The following ADAM32 variants were observed in gnomAD, a reference collection of about 807,000 sequenced individuals.
ADAM32 encodes ADAM metallopeptidase domain 32, also known as disintegrin and metalloproteinase domain-containing protein 32.
In ADAM32, 89 loss-of-function variants were observed where a neutral mutation model predicts 114.9. That is an observed-to-expected ratio of 0.77 (90% CI 0.65 to 0.92). The LOEUF (loss-of-function observed/expected upper bound fraction) is 0.92. ADAM32 is among the 40% of genes least tolerant of loss of function. ADAM32 has a pLI of 0.00. For missense variants in ADAM32, 870 were observed against 932.8 expected (o/e 0.93, Z 0.88); for synonymous variants, 285 against 307.5 (o/e 0.93, Z 0.77).
intron 19 of ADAM32, among the ~76,000 whole-genome samples, chr8:39,263,350 T>C (rs1406072482): frequency 6.6e-6 from 1 of 152,192 alleles, no homozygotes; most frequent in African/African-American, 2.4e-5. Context: ...ACTTAAACTT[T>C]ATTTTTCTAT....
intron 14 of ADAM32, among the ~76,000 whole-genome samples, chr8:39,229,837 C>A (rs959622316): frequency 6.6e-6 from 1 of 152,182 alleles, no homozygotes; most frequent in East Asian, 1.9e-4. Context: ...TACCTTGGAA[C>A]AAATGGACTT....
chr8:39,229,627 G>T (rs1216468850), intron 14 of ADAM32, among the ~76,000 whole-genome samples: 3 of 152,070 alleles, frequency 2.0e-5, no homozygotes, highest in African/African-American at 7.2e-5. Context: ...ATGGTAAAAG[G>T]CCTTGTCCAA....
upstream of ADAM32, chr8:39,107,688 G>A: frequency 1.3e-6 from 2 of 1,542,770 alleles, no homozygotes; most frequent in Non-Finnish European, 1.7e-6. Flanking sequence ...AACGTGCGGG[G>A]AGCGGCCCCC....
chr8:39,160,911 T>C lies in ADAM32; in HGVS notation c.540T>C (p.Val180=). ...IFISEKSEPA[V]PDLFPLYLEM... ...CTTTTTTCTAGTCAGAACCAGCTGT[T>C]CCAGATTTATTTCCTCTTTATCTAG... Residue 180 remains valine (V), a synonymous_variant, in exon 7 of 25, where the codon GTT becomes GTC. Coordinates refer to ENST00000379907, the MANE Select transcript of ADAM32 (RefSeq NM_145004.7). 6.3e-7 allele frequency: 1 copy of C among 1,598,076 alleles called. No homozygotes were observed. Among genetic ancestry groups the C allele is most frequent in the Non-Finnish European group, 8.5e-7 (1 of 1,172,768 alleles).
At chr8:39,151,716 T>C (rs1402693799) in intron 6 of ADAM32, among the ~76,000 whole-genome samples, 168 bp downstream of exon 6, 1 of 142,906 alleles carries the variant, frequency 7.0e-6, no homozygotes, top group East Asian at 2.1e-4. Context: ...CAGGTTGGAG[T>C]GCAGTGGACT....
At chr8:39,187,811 A>G (rs1414143138) in intron 11 of ADAM32, among the ~76,000 whole-genome samples, 2 of 152,090 alleles carry the variant, frequency 1.3e-5, no homozygotes, top group East Asian at 1.9e-4. Flanking sequence ...AATTATGCCT[A>G]TTCTTTTATT....
intron 11 of ADAM32, among the ~76,000 whole-genome samples, chr8:39,201,559 C>G (rs952738915): frequency 3.9e-5 from 6 of 152,302 alleles, no homozygotes; most frequent in African/African-American, 1.2e-4. Flanking sequence ...GATATACAAT[C>G]ACGTCATCTG....
intron 18 of ADAM32, among the ~76,000 whole-genome samples, chr8:39,256,073 C>T (rs930062004): frequency 6.6e-6 from 1 of 152,068 alleles, no homozygotes; most frequent in East Asian, 1.9e-4. Flanking sequence ...CTATTCCATT[C>T]CATTGGTCTC....
intron 11 of ADAM32, among the ~76,000 whole-genome samples, chr8:39,196,936 G>A (rs1807049620): frequency 6.6e-6 from 1 of 151,982 alleles, no homozygotes; most frequent in Non-Finnish European, 1.5e-5. Flanking sequence ...TTCCTTATAT[G>A]TTTGATAGAA....
At chr8:39,276,037 G>T (rs1187192064) in intron 22 of ADAM32, 171 bp downstream of exon 22, 1 of 501,582 alleles carries the variant, frequency 2.0e-6, no homozygotes, top group Non-Finnish European at 3.5e-6. Context: ...GCGAGTATTT[G>T]TCTAAATAAG....
chr8:39,261,257 T>C (rs1003057348), intron 19 of ADAM32, among the ~76,000 whole-genome samples: 9 of 152,202 alleles, frequency 5.9e-5, no homozygotes, highest in Non-Finnish European at 1.2e-4. Context: ...TCTTCTATTC[T>C]ACATTTTACT....
intron 18 of ADAM32, among the ~76,000 whole-genome samples, chr8:39,256,631 T>C (rs1044908779): frequency 1.3e-5 from 2 of 152,030 alleles, no homozygotes; most frequent in Admixed American, 6.6e-5. Context: ...CTTCTCCTCA[T>C]GGAGTTTAGA....
chr8:39,136,156 T>C (rs1021945926), intron 2 of ADAM32, among the ~76,000 whole-genome samples: 8 of 152,222 alleles, frequency 5.3e-5, no homozygotes, highest in African/African-American at 1.9e-4. Flanking sequence ...TTGTCATCCA[T>C]ATTCTAACTT....
chr8:39,243,664 G>C (rs1810708828), intron 16 of ADAM32, among the ~76,000 whole-genome samples: 1 of 152,176 alleles, frequency 6.6e-6, no homozygotes, highest in Admixed American at 6.5e-5. Context: ...CAAAGCCGCA[G>C]ACAACATTGT....
At chr8:39,185,966 C>T (rs1320520072) in intron 10 of ADAM32, among the ~76,000 whole-genome samples, 1 of 151,902 alleles carries the variant, frequency 6.6e-6, no homozygotes, top group Non-Finnish European at 1.5e-5. Context: ...GATGTTATTC[C>T]AATTGTTCGC....
chr8:39,125,765 TAGATTTTCTTAC>T (rs999576489), intron 2 of ADAM32, among the ~76,000 whole-genome samples: 2 of 152,224 alleles, frequency 1.3e-5, no homozygotes. Context: ...CTGAATTGCC[TAGATTTTCTTAC>T]AGATTTTCTT....
chr8:39,115,582 T>C (rs1192118431), intron 1 of ADAM32, among the ~76,000 whole-genome samples: 1 of 152,032 alleles, frequency 6.6e-6, no homozygotes, highest in Non-Finnish European at 1.5e-5. Context: ...GCCCATTTTT[T>C]AATGGGTTTT....
intron 11 of ADAM32, among the ~76,000 whole-genome samples, chr8:39,196,564 A>G (rs1807012367): frequency 6.6e-6 from 1 of 152,136 alleles, no homozygotes; most frequent in Admixed American, 6.5e-5. Context: ...AATTTGTCAA[A>G]TGCATTTTCT....
At chr8:39,281,084 T>C in intron 22 of ADAM32, 52 bp from the exon 23 acceptor site, 1 of 1,016,270 alleles carries the variant, frequency 9.8e-7, no homozygotes, top group Non-Finnish European at 1.3e-6. Context: ...GCCTGGCCAA[T>C]TTATTTTTAA....
Sources: allele counts gnomAD v4.1 joint callset (sites outside exome capture counted in the v4.1 genomes callset), GRCh38; gene constraint gnomAD v4.1.1; transcripts MANE v1.5; gene names NCBI Gene and HGNC (gene_info 2026-07-23, HGNC 2026-07-21).